The following TNS1 variants were observed in gnomAD, a reference collection of about 807,000 sequenced individuals.
TNS1 encodes the protein tensin 1, also known as tensin-1.
Under a neutral mutation model 168.6 loss-of-function variants are expected in TNS1, and 62 were observed. That is an observed-to-expected ratio of 0.37 (90% CI 0.30 to 0.45). The LOEUF is 0.45. TNS1 is among the 20% of genes least tolerant of loss of function. TNS1 has a pLI of 1.00. For missense variants in TNS1, 2,240 were observed against 2,339.4 expected (o/e 0.96, Z 0.88); for synonymous variants, 934 against 933.2 (o/e 1.00, Z -0.02).
At chr2:217,931,491 C>G (rs1052366052) in intron 3 of TNS1, among the ~76,000 whole-genome samples, 1 of 152,126 alleles carries the variant, frequency 6.6e-6, no homozygotes, top group Non-Finnish European at 1.5e-5. Flanking sequence ...AAGCCAGGCC[C>G]AAAATAGAGA....
At chr2:217,893,640 G>T (rs143114872) in intron 9 of TNS1, 79 bp from the exon 10 acceptor site, 1 of 1,514,782 alleles carries the variant, frequency 6.6e-7, no homozygotes, top group Non-Finnish European at 8.9e-7. Context: ...CCTACGCCAC[G>T]TGCCAGTACC....
At chr2:217,917,817 T>C (rs28403309) in intron 4 of TNS1, among the ~76,000 whole-genome samples, 36,014 of 130,394 alleles carry the variant, frequency 0.28, 5,272 homozygotes, top group African/African-American at 0.4. Context: ...GGCAACACAG[T>C]GAGACTGTTC....
At chr2:217,960,637 A>G (rs1957473269) in intron 3 of TNS1, among the ~76,000 whole-genome samples, 1 of 152,080 alleles carries the variant, frequency 6.6e-6, no homozygotes, top group African/African-American at 2.4e-5. Context: ...CACACACCCC[A>G]CCAGTGCGGG....
chr2:217,808,703 G>A lies in TNS1; in HGVS notation c.5274-32C>T, dbSNP rs761904363. ...CACAGACATCAGATAAACAGAGAAT[G>A]AGTGCTGAAGGGGCTGCTTTTCCCC... On this transcript the variant is annotated intron_variant, in intron 30 of 32. Transcript: ENST00000682258. 7 of 1,606,330 alleles carry A rather than the reference G, an allele frequency of 4.4e-6. No individual in the cohort carries two copies. In the East Asian group the frequency reaches 1.1e-4, roughly 26 times the overall value.
intron 1 of TNS1, among the ~76,000 whole-genome samples, chr2:218,029,193 C>T (rs774445894): frequency 6.6e-6 from 1 of 151,254 alleles, no homozygotes; most frequent in African/African-American, 2.4e-5. Flanking sequence ...TCCAGAGCTT[C>T]TTTCTCCTTT....
At chr2:217,996,657 T>C (rs1017703818) in intron 1 of TNS1, among the ~76,000 whole-genome samples, 7 of 151,928 alleles carry the variant, frequency 4.6e-5, no homozygotes, top group African/African-American at 1.7e-4. Flanking sequence ...TAAACATTCA[T>C]CGTCCTATGC....
chr2:217,889,010 T>A (rs16858441), intron 12 of TNS1, among the ~76,000 whole-genome samples: 4,092 of 152,248 alleles, frequency 0.027, 171 homozygotes, highest in African/African-American at 0.093. Context: ...TCTCTTAGTA[T>A]CCTTATCCTT....
At chr2:218,015,364 GA>G (rs1468175626), upstream of TNS1, among the ~76,000 whole-genome samples, 1 of 152,030 alleles carries the variant, frequency 6.6e-6, no homozygotes, top group Non-Finnish European at 1.5e-5. Flanking sequence ...GGGGGAGGGG[GA>G]AAGAGAGGGG....
intron 4 of TNS1, among the ~76,000 whole-genome samples, chr2:217,916,411 G>A (rs773399203): frequency 4.6e-5 from 7 of 152,104 alleles, no homozygotes; most frequent in African/African-American, 7.2e-5. Flanking sequence ...TCCACCCCCA[G>A]TGCAGCTCTC....
intron 3 of TNS1, among the ~76,000 whole-genome samples, chr2:217,947,216 C>T (rs536623171): frequency 1.3e-4 from 20 of 151,942 alleles, no homozygotes; most frequent in Non-Finnish European, 2.5e-4. Context: ...GCGGTTGGTC[C>T]CTTCAAGGGT....
At chr2:217,914,643 G>A (rs1262304605) in intron 4 of TNS1, among the ~76,000 whole-genome samples, 8 of 152,056 alleles carry the variant, frequency 5.3e-5, no homozygotes, top group African/African-American at 1.4e-4. Context: ...AAGACACCAC[G>A]CCCAGCCAAT....
intron 3 of TNS1, among the ~76,000 whole-genome samples, chr2:217,960,983 G>A (rs748312775): frequency 2.6e-5 from 4 of 152,052 alleles, no homozygotes; most frequent in Admixed American, 6.5e-5. Context: ...GGATGCCAAG[G>A]CCCCATCAGT....
At chr2:218,010,515 A>G, upstream of TNS1, 1 of 221,068 alleles carries the variant, frequency 4.5e-6, no homozygotes, top group Non-Finnish European at 8.8e-6. Context: ...TGGCTGCGTG[A>G]CAGCCTCCGC....
At position 217,950,538 on chromosome 2, in the gene TNS1, G is replaced by C. The variant is rs867881100; in HGVS notation, c.186+28227C>G. Among the ~76,000 whole-genome samples the C allele has an allele frequency of 6.6e-5, 10 of 151,632 alleles. 1 individual carries two copies. The highest frequency in any genetic ancestry group is 1.5e-4 in the Non-Finnish European group (10 of 67,886). ...GGGCTGGGGGAGGTGAGGAGGTCTG[G>C]CTGGTGGCGGAACACTTGGCTCACA... On this transcript the variant is annotated intron_variant, in intron 3 of 32. Transcript: ENST00000682258.
chr2:217,802,655 AC>A lies in TNS1; in HGVS notation c.*1803del, dbSNP rs995859429. On this transcript the variant is annotated 3_prime_UTR_variant, in exon 33 of 33. Transcript: ENST00000682258. Reference sequence around the variant, plus strand: ...CAAGGAGACCCTGGCTGCTTCAAGAACAAAGGCCCCCTACACTTCAGGCTTT... The same window carrying A: ...CAAGGAGACCCTGGCTGCTTCAAGAAAAAGGCCCCCTACACTTCAGGCTTT... 4 of 152,598 alleles carry A rather than the reference AC, an allele frequency of 2.6e-5. No individual in the cohort carries two copies. Among genetic ancestry groups the A allele is most frequent in the African/African-American group, 9.6e-5 (4 of 41,452 alleles). The allele number at this position is 152,598 out of a possible 1,614,324, so 9.5% of individuals were successfully genotyped here. A position where few individuals can be genotyped will look rare whatever the true frequency, so the allele number is the denominator to read the frequency against.
At chr2:217,987,368 C>A (rs745841248) in intron 2 of TNS1, among the ~76,000 whole-genome samples, 1 of 152,142 alleles carries the variant, frequency 6.6e-6, no homozygotes, top group South Asian at 2.1e-4. Flanking sequence ...CTATGACGCC[C>A]GCATGTCCAC....
chr2:217,892,811 T>C, intron 11 of TNS1, 137 bp downstream of exon 11: 1 of 968,118 alleles, frequency 1.0e-6, no homozygotes, highest in Non-Finnish European at 1.5e-6. Context: ...CAGGGGCCCC[T>C]TCCCCCGTCC....
At chr2:217,909,748 T>C (rs1954145252) in intron 4 of TNS1, among the ~76,000 whole-genome samples, 3 of 152,154 alleles carry the variant, frequency 2.0e-5, no homozygotes, top group African/African-American at 7.2e-5. Context: ...GGAATCAGCT[T>C]GGGAGCAGGT....
intron 12 of TNS1, among the ~76,000 whole-genome samples, chr2:217,887,886 A>G (rs1037591071): frequency 6.6e-6 from 1 of 152,196 alleles, no homozygotes; most frequent in East Asian, 1.9e-4. Context: ...CTGATTGGCC[A>G]TGGAATGACA....
Sources: gnomAD v4.1 joint callset for allele counts (sites outside exome capture counted in the v4.1 genomes callset) on GRCh38, gnomAD v4.1.1 for gene constraint, MANE v1.5 for transcripts, NCBI Gene and HGNC (gene_info 2026-07-23, HGNC 2026-07-21) for gene names.